The following ZFYVE1 variants were observed in gnomAD, a reference collection of about 807,000 sequenced individuals.
ZFYVE1 encodes zinc finger FYVE domain-containing protein 1.
In ZFYVE1, 30 loss-of-function variants were observed where a neutral mutation model predicts 74.4. That is an observed-to-expected ratio of 0.40 (90% CI 0.30 to 0.55). The LOEUF (loss-of-function observed/expected upper bound fraction) is 0.55, where lower values mean the gene tolerates loss of function less well. Among genes scored for constraint, ZFYVE1 ranks in the 20% least tolerant of loss-of-function variants. The pLI is 0.42. For missense variants in ZFYVE1, 703 were observed against 1,011.6 expected (o/e 0.69, Z 4.14); for synonymous variants, 335 against 385.1 (o/e 0.87, Z 1.52).
Position 73,024,563 on chromosome 14 carries a change from G to A in ZFYVE1, c.-55C>T, listed in dbSNP as rs764057451. 8.4e-5 allele frequency: 128 copies of A among 1,522,880 alleles called. No homozygotes were observed. Among genetic ancestry groups the A allele is most frequent in the South Asian group, 1.9e-4 (14 of 75,526 alleles). The allele number at this position is 1,522,880 out of a possible 1,614,324, so 94.3% of individuals were successfully genotyped here. ...ATATAATAGTCACTGAGCTTGCCCC[G>A]GGGGTGAAGACGAAGATTTGAGTCT... On this transcript the variant is annotated 5_prime_UTR_variant, in exon 2 of 12. Coordinates refer to ENST00000556143, the MANE Select transcript of ZFYVE1 (RefSeq NM_021260.4).
chr14:72,985,552 G>C (rs1026892284), intron 4 of ZFYVE1, among the ~76,000 whole-genome samples: 1 of 150,424 alleles, frequency 6.6e-6, no homozygotes, highest in Non-Finnish European at 1.5e-5. Flanking sequence ...GGCTGGTCTC[G>C]AACTCCTGAC....
chr14:72,978,566 C>CAAAAAAAAAA lies in ZFYVE1; in HGVS notation c.1419+285_1419+294dup, dbSNP rs58858186. Among the ~76,000 whole-genome samples, 55 of 50,974 alleles carry CAAAAAAAAAA rather than the reference C, an allele frequency of 1.1e-3. 1 individual carries two copies. Among genetic ancestry groups the CAAAAAAAAAA allele is most frequent in the East Asian group, 3.5e-3 (5 of 1,416 alleles). 33.4% of individuals were successfully genotyped at this position (50,974 alleles called of 152,430 possible). ...TGGCTGACAGAGCAAGACTCTGTCT[C>CAAAAAAAAAA]AAAAAAAAAAAAAAAAAAAAAAAAA... On this transcript the variant is annotated intron_variant, in intron 6 of 11. Transcript: ENST00000556143.
At chr14:72,985,863 T>G (rs1261597330) in intron 4 of ZFYVE1, among the ~76,000 whole-genome samples, 1 of 152,176 alleles carries the variant, frequency 6.6e-6, no homozygotes, top group Non-Finnish European at 1.5e-5. Context: ...TTCTCCTGCC[T>G]CAGCCTTCCA....
At chr14:73,002,741 C>CT (rs532732428) in intron 2 of ZFYVE1, among the ~76,000 whole-genome samples, 39,788 of 127,456 alleles carry the variant, frequency 0.31, 6,342 homozygotes, top group Middle Eastern at 0.4. Flanking sequence ...GTTGCTTTTT[C>CT]TTTTTTTTTT....
rs1215500658 is a variant in ZFYVE1, at chr14:72,992,614, T to G, written c.1203+529A>C. ...CCTCTGGGGGGAGGTCCCATTCAGG[T>G]GCCCCCCCCGCCCCTTGCAAGAGAG... is the stretch of plus-strand genomic sequence containing the variant. On this transcript the variant is annotated intron_variant, in intron 4 of 11. Coordinates refer to ENST00000556143, the MANE Select transcript of ZFYVE1 (RefSeq NM_021260.4). 5.5e-4 allele frequency among the ~76,000 whole-genome samples: 56 copies of G among 101,370 alleles called. 1 individual carries two copies. The highest frequency in any genetic ancestry group is 5.3e-3 in the Middle Eastern group (1 of 188). The allele number at this position is 101,370 out of a possible 152,430, so 66.5% of individuals were successfully genotyped here.
chr14:72,976,336 T>C lies in ZFYVE1; in HGVS notation c.1636-615A>G, dbSNP rs368985592. 8.5e-5 allele frequency among the ~76,000 whole-genome samples: 13 copies of C among 152,300 alleles called. No individual in the cohort carries two copies. The East Asian group carries it at 1.5e-3, about 18-fold the overall frequency. On this transcript the variant is annotated intron_variant, in intron 8 of 11. Coordinates refer to ENST00000556143, the MANE Select transcript of ZFYVE1 (RefSeq NM_021260.4). ...AGTCCTGTTTTCCTGGAACATAAAC[T>C]ATCTTACCACCTTTACTTTCTCGCT...
intron 4 of ZFYVE1, among the ~76,000 whole-genome samples, chr14:72,988,021 C>T (rs1187501907): frequency 6.6e-6 from 1 of 152,146 alleles, no homozygotes; most frequent in African/African-American, 2.4e-5. Flanking sequence ...TGCATGTGTG[C>T]ACACCAAAAA....
At chr14:73,025,591 G>T (rs924295439) in intron 1 of ZFYVE1, among the ~76,000 whole-genome samples, 1 of 150,824 alleles carries the variant, frequency 6.6e-6, no homozygotes, top group African/African-American at 2.4e-5. Context: ...AGCTACTAGG[G>T]AGGCTGAGGC....
Position 73,014,462 on chromosome 14 carries a change from A to C in ZFYVE1, c.483+9564T>G, listed in dbSNP as rs575449757. On this transcript the variant is annotated intron_variant, in intron 2 of 11. Coordinates refer to ENST00000556143, the MANE Select transcript of ZFYVE1 (RefSeq NM_021260.4). ...CTTTTACTTGAGTTTCTTTGTGTTA[A>C]AGGCAATGATGGAGGAGGAGGCCCT... 3.3e-5 allele frequency among the ~76,000 whole-genome samples: 5 copies of C among 152,334 alleles called. No homozygotes were observed. The South Asian group carries it at 1.0e-3, about 32-fold the overall frequency.
chr14:73,024,761 C>T lies in ZFYVE1; in HGVS notation c.-253G>A. ...TGATGGTTTCATCCTCCATAAAGTG[C>T]AAGCAAAGATGTGGTCAAAATTGAC... is the stretch of plus-strand genomic sequence containing the variant. On this transcript the variant is annotated 5_prime_UTR_variant, in exon 2 of 12. Coordinates refer to ENST00000556143, the MANE Select transcript of ZFYVE1 (RefSeq NM_021260.4). The T allele has an allele frequency of 4.4e-6, 2 of 452,754 alleles. No individual in the cohort carries two copies. The highest frequency in any genetic ancestry group is 7.5e-6 in the Non-Finnish European group (2 of 265,036). 28.0% of individuals were successfully genotyped at this position (452,754 alleles called of 1,614,324 possible).
rs548510166 is a variant in ZFYVE1, at chr14:72,975,986, C to T, written c.1636-265G>A. On this transcript the variant is annotated intron_variant, in intron 8 of 11. Coordinates refer to ENST00000556143, the MANE Select transcript of ZFYVE1 (RefSeq NM_021260.4). This position sits in a 1 kb window ranked among gnomAD's most constrained non-coding sequence, Gnocchi z 4.1. Reference sequence around the variant, plus strand: ...ACACCTCCTCCAGGGGGCCCCGCACCGCAGGCTGAGTTAAGAACCTTTCCT... The same window carrying T: ...ACACCTCCTCCAGGGGGCCCCGCACTGCAGGCTGAGTTAAGAACCTTTCCT... 8 of 364,466 alleles carry T rather than the reference C, an allele frequency of 2.2e-5. No homozygotes were observed. Among genetic ancestry groups the T allele is most frequent in the African/African-American group, 6.2e-5 (3 of 48,728 alleles). 22.6% of individuals were successfully genotyped at this position (364,466 alleles called of 1,614,324 possible). A position where few individuals can be genotyped will look rare whatever the true frequency, so the allele number is the denominator to read the frequency against.
At chr14:72,980,715 C>T (rs933840657) in intron 5 of ZFYVE1, among the ~76,000 whole-genome samples, 1 of 151,992 alleles carries the variant, frequency 6.6e-6, no homozygotes, top group African/African-American at 2.4e-5. Context: ...CTACAGGCGC[C>T]GGCCACCGTG....
intron 3 of ZFYVE1, among the ~76,000 whole-genome samples, chr14:72,995,056 C>CTTTT (rs1017129144): frequency 2.6e-5 from 4 of 152,004 alleles, no homozygotes; most frequent in Non-Finnish European, 5.9e-5. Context: ...TTTTAATTTC[C>CTTTT]TTTTTATTTA....
chr14:72,975,827 C>A lies in ZFYVE1; in HGVS notation c.1636-106G>T. On this transcript the variant is annotated intron_variant, in intron 8 of 11. Coordinates refer to ENST00000556143, the MANE Select transcript of ZFYVE1 (RefSeq NM_021260.4). The surrounding 1 kb of genome is among the most constrained non-coding windows in gnomAD (Gnocchi z 4.1). Reference sequence around the variant, plus strand: ...ACACTCACCGTGGCCAACTCAGAACCACTAACTCCCTGGCAGGGAAGAACG... The same window carrying A: ...ACACTCACCGTGGCCAACTCAGAACAACTAACTCCCTGGCAGGGAAGAACG... The A allele has an allele frequency of 7.6e-7, 1 of 1,312,332 alleles. No homozygotes were observed. Among genetic ancestry groups the A allele is most frequent in the Non-Finnish European group, 1.1e-6 (1 of 945,766 alleles). The allele number at this position is 1,312,332 out of a possible 1,614,324, so 81.3% of individuals were successfully genotyped here.
chr14:73,017,422 A>G (rs571865118), intron 2 of ZFYVE1, among the ~76,000 whole-genome samples: 2 of 152,304 alleles, frequency 1.3e-5, no homozygotes, highest in East Asian at 1.9e-4. Context: ...ATCATTGCCA[A>G]TGTCCCTTGA....
intron 3 of ZFYVE1, 27 bp from the exon 4 acceptor site, chr14:72,993,384 G>A: frequency 6.4e-7 from 1 of 1,559,638 alleles, no homozygotes; most frequent in Non-Finnish European, 8.7e-7. Context: ...ACAGGCACAT[G>A]GGTAGTGAGT....
rs1442033448 is a variant in ZFYVE1 at position 73,006,447 on chromosome 14, T to C, written c.484-8132A>G. On this transcript the variant is annotated intron_variant, in intron 2 of 11. Coordinates refer to ENST00000556143, the MANE Select transcript of ZFYVE1 (RefSeq NM_021260.4). ...AAAATTAGCTGGGTGTGGTGGCACA[T>C]GCCTGTAATCCCAGCTACTCGGGAG... Among the ~76,000 whole-genome samples the C allele has an allele frequency of 2.0e-5, 3 of 151,250 alleles. No homozygotes were observed. In the East Asian group the frequency reaches 6.1e-4, roughly 31 times the overall value.
chr14:73,011,911 A>C (rs977165823), intron 2 of ZFYVE1, among the ~76,000 whole-genome samples: 6 of 151,744 alleles, frequency 4.0e-5, no homozygotes, highest in African/African-American at 1.5e-4. Context: ...GAAAACATTC[A>C]ATCTTCTTCA....
intron 2 of ZFYVE1, among the ~76,000 whole-genome samples, chr14:72,999,616 A>G (rs1371099001): frequency 6.6e-6 from 1 of 152,194 alleles, no homozygotes; most frequent in Non-Finnish European, 1.5e-5. Context: ...AGAATGGAAG[A>G]AAACATTTGT....
Sources: gnomAD v4.1 joint callset for allele counts (sites outside exome capture counted in the v4.1 genomes callset) on GRCh38, gnomAD v4.1.1 for gene constraint, Gnocchi (gnomAD v3.1) non-coding constraint, MANE v1.5 for transcripts, NCBI Gene and HGNC (gene_info 2026-07-23, HGNC 2026-07-21) for gene names.